GNAQ: variants seen among roughly 807,000 people sequenced by gnomAD.
The protein encoded by GNAQ is guanine nucleotide-binding protein G(q) subunit alpha.
GNAQ carries 8 observed loss-of-function variants against 43.9 expected under a neutral mutation model. The observed-to-expected ratio is 0.18, with a 90% CI of 0.11 to 0.33. The LOEUF (loss-of-function observed/expected upper bound fraction) is 0.33, where lower values mean the gene tolerates loss of function less well. Ranked by LOEUF, GNAQ falls within the 10% of genes least tolerant of loss-of-function variation. The pLI is 1.00. For synonymous variants in GNAQ, 155 were observed against 170.7 expected, an observed-to-expected ratio of 0.91 and a Z score of 0.71; for missense variants, 158 against 450.8, an observed-to-expected ratio of 0.35 and a Z score of 5.88.
At chr9:77,995,528 T>C (rs951223311) in intron 1 of GNAQ, among the ~76,000 whole-genome samples, 9 of 152,144 alleles carry the variant, frequency 5.9e-5, no homozygotes, top group African/African-American at 2.2e-4. Flanking sequence ...GGGTGTCATG[T>C]TGCCCAGGCT....
chr9:77,885,673 A>G (rs1828290905), intron 2 of GNAQ, among the ~76,000 whole-genome samples: 1 of 152,160 alleles, frequency 6.6e-6, no homozygotes, highest in African/African-American at 2.4e-5. Context: ...ACGGATGGAA[A>G]GAAAAGCCTC....
At chr9:77,874,963 C>A (rs1241163164) in intron 2 of GNAQ, among the ~76,000 whole-genome samples, 1 of 151,722 alleles carries the variant, frequency 6.6e-6, no homozygotes, top group East Asian at 2.0e-4. Context: ...AAGGAAAGGT[C>A]ATGACCAAGC....
chr9:77,918,474 T>C lies in GNAQ; in HGVS notation c.321+3687A>G, dbSNP rs968671519. On this transcript the variant is annotated intron_variant, in intron 2 of 6. Transcript: ENST00000286548. ...CCAAATTCTTTAGACTATTTATAAA[T>C]TATAAAGTATATACCTTTGTAACCA... 4.1e-5 allele frequency among the ~76,000 whole-genome samples: 6 copies of C among 146,998 alleles called. No homozygotes were observed. The East Asian group carries it at 2.3e-3, about 55-fold the overall frequency.
intron 5 of GNAQ, among the ~76,000 whole-genome samples, chr9:77,740,599 C>T (rs4744849): frequency 0.38 from 58,056 of 151,842 alleles, 13,779 homozygotes; most frequent in Non-Finnish European, 0.54. Context: ...ATGAGCTTAG[C>T]GCATTATATT....
chr9:77,938,666 C>G (rs776640992), intron 1 of GNAQ, among the ~76,000 whole-genome samples: 1 of 152,156 alleles, frequency 6.6e-6, no homozygotes, highest in East Asian at 1.9e-4. Flanking sequence ...CGGCTTGAAC[C>G]TGGGAATCCG....
At chr9:78,025,579 T>C (rs1053840973) in intron 1 of GNAQ, among the ~76,000 whole-genome samples, 3 of 152,182 alleles carry the variant, frequency 2.0e-5, no homozygotes, top group East Asian at 1.9e-4. Flanking sequence ...ACCAGGAAAT[T>C]TGACTTTAAA....
intron 2 of GNAQ, among the ~76,000 whole-genome samples, chr9:77,838,700 G>A (rs999281212): frequency 6.6e-6 from 1 of 152,112 alleles, no homozygotes; most frequent in Non-Finnish European, 1.5e-5. Flanking sequence ...TTACAGGGGT[G>A]AGCCACCGTG....
intron 3 of GNAQ, among the ~76,000 whole-genome samples, chr9:77,812,778 G>A (rs904718776): frequency 4.6e-5 from 7 of 152,038 alleles, no homozygotes; most frequent in Non-Finnish European, 2.9e-5. Context: ...ACATATTGAT[G>A]TCTAAGGATG....
intron 1 of GNAQ, among the ~76,000 whole-genome samples, chr9:77,958,884 ACTC>A (rs1451405779): frequency 7.2e-5 from 11 of 152,200 alleles, no homozygotes; most frequent in African/African-American, 2.2e-4. Context: ...CCCTTGGCAA[ACTC>A]CTCAATTCTT....
chr9:77,852,630 C>T (rs1265865480), intron 2 of GNAQ, among the ~76,000 whole-genome samples: 4 of 152,184 alleles, frequency 2.6e-5, no homozygotes, highest in Admixed American at 6.5e-5. Context: ...TATGCCTCCC[C>T]GAAAGCATCC....
intron 2 of GNAQ, among the ~76,000 whole-genome samples, chr9:77,824,553 G>T (rs1827165389): frequency 6.6e-6 from 1 of 152,094 alleles, no homozygotes; most frequent in South Asian, 2.1e-4. Flanking sequence ...AATATTTCTG[G>T]TCCACTAGTT....
chr9:77,718,355 A>G lies in GNAQ; in HGVS notation c.*2968T>C, dbSNP rs1825256735. 8.6e-6 allele frequency: 2 copies of G among 232,348 alleles called. No individual in the cohort carries two copies. The highest frequency in any genetic ancestry group is 3.6e-4 in the South Asian group (2 of 5,522). The allele number at this position is 232,348 out of a possible 1,614,324, so 14.4% of individuals were successfully genotyped here. On this transcript the variant is annotated 3_prime_UTR_variant, in exon 7 of 7. Coordinates refer to ENST00000286548, the MANE Select transcript of GNAQ (RefSeq NM_002072.5). Reference sequence around the variant, plus strand: ...AGCCCCTTCAATAAAACCCCGAAGAAACAAAAAAGAAAATCCTTTAGCTTC... The same window carrying G: ...AGCCCCTTCAATAAAACCCCGAAGAGACAAAAAAGAAAATCCTTTAGCTTC...
chr9:77,811,883 C>G (rs1381993406), intron 3 of GNAQ, among the ~76,000 whole-genome samples: 2 of 152,058 alleles, frequency 1.3e-5, no homozygotes, highest in Non-Finnish European at 2.9e-5. Flanking sequence ...CCTTACATAA[C>G]TGGCAGGAAT....
At chr9:77,955,549 A>C (rs1403611594) in intron 1 of GNAQ, among the ~76,000 whole-genome samples, 1 of 152,226 alleles carries the variant, frequency 6.6e-6, no homozygotes, top group African/African-American at 2.4e-5. Context: ...CTCCTATGCG[A>C]AACAAATCTA....
At chr9:78,026,041 C>G (rs1030617245) in intron 1 of GNAQ, among the ~76,000 whole-genome samples, 1 of 152,152 alleles carries the variant, frequency 6.6e-6, no homozygotes, top group Admixed American at 6.5e-5. Context: ...TAAGCCATTT[C>G]TCCTAAAGTA....
At chr9:77,757,484 G>A (rs1418039718) in intron 5 of GNAQ, among the ~76,000 whole-genome samples, 2 of 152,058 alleles carry the variant, frequency 1.3e-5, no homozygotes, top group East Asian at 3.8e-4. Flanking sequence ...GCTTATTAAT[G>A]CTTCCTGTTA....
At chr9:77,902,076 C>T (rs1217260806) in intron 2 of GNAQ, among the ~76,000 whole-genome samples, 1 of 152,156 alleles carries the variant, frequency 6.6e-6, no homozygotes, top group Non-Finnish European at 1.5e-5. Flanking sequence ...CACATTCACA[C>T]CATAACAAGT....
At chr9:77,987,196 C>T (rs1823451177) in intron 1 of GNAQ, among the ~76,000 whole-genome samples, 1 of 152,044 alleles carries the variant, frequency 6.6e-6, no homozygotes, top group Non-Finnish European at 1.5e-5. Flanking sequence ...GGCATGTAGG[C>T]TTATCATCTG....
intron 6 of GNAQ, among the ~76,000 whole-genome samples, chr9:77,726,216 A>G (rs1163278763): frequency 6.6e-6 from 1 of 152,196 alleles, no homozygotes; most frequent in Non-Finnish European, 1.5e-5. Flanking sequence ...GGCTAGTGCA[A>G]ATTAAAAGGA....
Sources: gnomAD v4.1 joint callset for allele counts (sites outside exome capture counted in the v4.1 genomes callset) on GRCh38, gnomAD v4.1.1 for gene constraint, MANE v1.5 for transcripts, NCBI Gene and HGNC (gene_info 2026-07-23, HGNC 2026-07-21) for gene names.